CNBD1: variants seen among roughly 807,000 people sequenced by gnomAD.
The protein encoded by CNBD1 is cyclic nucleotide binding domain containing 1.
Under a neutral mutation model 54.4 loss-of-function variants are expected in CNBD1, and 71 were observed. The observed-to-expected ratio is 1.30, with a 90% CI of 1.08 to 1.59. The LOEUF (loss-of-function observed/expected upper bound fraction) is 1.59, where lower values mean the gene tolerates loss of function less well. Among genes scored for constraint, CNBD1 ranks in the 40% most tolerant of loss-of-function variants. The pLI, the probability that CNBD1 is intolerant of heterozygous loss-of-function variation, is 0.00. For missense variants in CNBD1, 659 were observed against 518.0 expected (o/e 1.27, Z -2.64); for synonymous variants, 182 against 170.7 (o/e 1.07, Z -0.51).
intron 8 of CNBD1, among the ~76,000 whole-genome samples, chr8:87,337,690 T>C (rs1238310281): frequency 6.6e-6 from 1 of 152,206 alleles, no homozygotes; most frequent in Non-Finnish European, 1.5e-5. Flanking sequence ...CACTCACTCA[T>C]TGCCTCCCTT....
At chr8:87,339,070 A>G (rs1041487066) in intron 8 of CNBD1, among the ~76,000 whole-genome samples, 2 of 152,084 alleles carry the variant, frequency 1.3e-5, no homozygotes, top group African/African-American at 4.8e-5. Context: ...TTAGAGTTGA[A>G]TATTTTTCTT....
intron 4 of CNBD1, among the ~76,000 whole-genome samples, chr8:87,066,704 A>C (rs866525127): frequency 5.9e-5 from 9 of 152,052 alleles, no homozygotes; most frequent in Middle Eastern, 3.4e-3. Context: ...GAGAAAATCA[A>C]GTATTTAGAA....
chr8:86,970,453 CT>C (rs1180411774), intron 4 of CNBD1, among the ~76,000 whole-genome samples: 2 of 151,730 alleles, frequency 1.3e-5, no homozygotes, highest in African/African-American at 2.4e-5. Context: ...TCACGGAGTT[CT>C]TTTTTTCAAT....
intron 4 of CNBD1, among the ~76,000 whole-genome samples, chr8:86,961,062 T>A (rs746579660): frequency 1.3e-5 from 2 of 152,240 alleles, no homozygotes; most frequent in Non-Finnish European, 1.5e-5. Flanking sequence ...TTTCTACTTT[T>A]ATTTTACCAA....
chr8:87,011,253 C>T (rs2130560934), intron 4 of CNBD1, among the ~76,000 whole-genome samples: 1 of 150,082 alleles, frequency 6.7e-6, no homozygotes, highest in African/African-American at 2.5e-5. Context: ...GAATTCTCTG[C>T]TTAGATTGTA....
At chr8:87,310,633 T>C (rs1809245439) in intron 8 of CNBD1, among the ~76,000 whole-genome samples, 1 of 152,094 alleles carries the variant, frequency 6.6e-6, no homozygotes, top group Non-Finnish European at 1.5e-5. Context: ...AAATAAGCGA[T>C]TCTAAAATTT....
intron 10 of CNBD1, among the ~76,000 whole-genome samples, chr8:87,360,123 A>T (rs1362601366): frequency 6.6e-6 from 1 of 152,018 alleles, no homozygotes; most frequent in Admixed American, 6.6e-5. Flanking sequence ...ATATTTGGTA[A>T]ATACCCAAAG....
At chr8:86,913,675 G>A (rs183858901) in intron 3 of CNBD1, among the ~76,000 whole-genome samples, 1 of 152,286 alleles carries the variant, frequency 6.6e-6, no homozygotes, top group Admixed American at 6.5e-5. Context: ...AGATCACAAG[G>A]CAGAAGGTCA....
intron 4 of CNBD1, among the ~76,000 whole-genome samples, chr8:87,105,034 T>TTTA (rs1811505408): frequency 6.6e-6 from 1 of 152,174 alleles, no homozygotes. Flanking sequence ...GAAAGTAGGT[T>TTTA]TTATTTGATT....
chr8:87,324,241 C>G (rs1170005687), intron 8 of CNBD1, among the ~76,000 whole-genome samples: 2 of 127,190 alleles, frequency 1.6e-5, no homozygotes, highest in Non-Finnish European at 1.8e-5. Flanking sequence ...CAATGTTCAT[C>G]AAGGATATTG....
At chr8:87,412,017 C>T (rs993047601) in intron 2 of CNBD1, among the ~76,000 whole-genome samples, 1 of 151,922 alleles carries the variant, frequency 6.6e-6, no homozygotes, top group Non-Finnish European at 1.5e-5. Context: ...CCTTGACATT[C>T]ATTAGTGCTT....
intron 10 of CNBD1, among the ~76,000 whole-genome samples, chr8:87,359,510 T>A (rs1025997635): frequency 3.9e-5 from 6 of 152,180 alleles, no homozygotes; most frequent in African/African-American, 1.2e-4. Context: ...TCCAAGATAG[T>A]TAAATGTACA....
At chr8:87,139,272 C>G (rs1378172740) in intron 4 of CNBD1, among the ~76,000 whole-genome samples, 1 of 152,146 alleles carries the variant, frequency 6.6e-6, no homozygotes, top group Non-Finnish European at 1.5e-5. Context: ...CTTATTACAT[C>G]ACAAAAATAG....
intron 1 of CNBD1, among the ~76,000 whole-genome samples, chr8:86,875,305 C>G (rs1808504680): frequency 2.0e-5 from 3 of 152,094 alleles, no homozygotes; most frequent in Admixed American, 2.0e-4. Flanking sequence ...CACAGTCCCA[C>G]CTTAATGTGG....
At chr8:87,391,627 G>C (rs968773845) in intron 2 of CNBD1, among the ~76,000 whole-genome samples, 3 of 151,976 alleles carry the variant, frequency 2.0e-5, no homozygotes, top group Admixed American at 2.0e-4. Flanking sequence ...ATCATGCTGG[G>C]ATAATGGGAT....
At chr8:87,343,435 A>C (rs965136639) in intron 8 of CNBD1, among the ~76,000 whole-genome samples, 1 of 152,242 alleles carries the variant, frequency 6.6e-6, no homozygotes, top group Non-Finnish European at 1.5e-5. Flanking sequence ...TTGGGAACTA[A>C]TAAATGTCCA....
chr8:87,395,588 T>C (rs1811394231), intron 2 of CNBD1, among the ~76,000 whole-genome samples: 1 of 151,904 alleles, frequency 6.6e-6, no homozygotes, highest in Admixed American at 6.6e-5. Context: ...GTGTTAACTC[T>C]TCTGAGAATA....
intron 4 of CNBD1, among the ~76,000 whole-genome samples, chr8:86,963,807 A>C (rs1808000454): frequency 6.6e-6 from 1 of 152,098 alleles, no homozygotes; most frequent in Non-Finnish European, 1.5e-5. Context: ...CTGGATGGCA[A>C]TGACAGTCTG....
chr8:87,405,546 G>T (rs1232243465), intron 2 of CNBD1, among the ~76,000 whole-genome samples: 1 of 151,928 alleles, frequency 6.6e-6, no homozygotes, highest in Non-Finnish European at 1.5e-5. Context: ...GTTTATTACT[G>T]CCTAAGACAA....
Sources: gnomAD v4.1 joint callset for allele counts (sites outside exome capture counted in the v4.1 genomes callset) on GRCh38, gnomAD v4.1.1 for gene constraint, MANE v1.5 for transcripts, NCBI Gene and HGNC (gene_info 2026-07-23, HGNC 2026-07-21) for gene names.